The following MGAT5B variants were observed in gnomAD, a reference collection of about 807,000 sequenced individuals.
MGAT5B encodes the protein N-acetylglucosaminyl-transferase Vb.
In MGAT5B, 54 loss-of-function variants were observed where a neutral mutation model predicts 95.1. The observed-to-expected ratio is 0.57, with a 90% CI of 0.46 to 0.71. The LOEUF is 0.71. Ranked by LOEUF, MGAT5B falls within the 30% of genes least tolerant of loss-of-function variation. The pLI is 0.00. For missense variants in MGAT5B, 935 were observed against 1,088.6 expected (o/e 0.86, Z 1.99); for synonymous variants, 464 against 451.0 (o/e 1.03, Z -0.36).
chr17:76,872,678 C>T (rs1967049554), intron 1 of MGAT5B, 173 bp from the exon 2 acceptor site: 2 of 1,523,358 alleles, frequency 1.3e-6, no homozygotes, highest in East Asian at 2.5e-5. Context: ...TCTCTTTATC[C>T]TATAGTGGGG....
At chr17:76,882,510 C>G (rs1967466506) in intron 3 of MGAT5B, 1 of 546,966 alleles carries the variant, frequency 1.8e-6, no homozygotes, top group Non-Finnish European at 3.0e-6. Flanking sequence ...AATAAAACGT[C>G]ACAGATGAAA....
chr17:76,932,557 G>A (rs1403160236), intron 10 of MGAT5B, 88 bp from the exon 11 acceptor site: 1 of 1,559,096 alleles, frequency 6.4e-7, no homozygotes, highest in East Asian at 2.3e-5. Context: ...TGCCAAAAGA[G>A]GACCTCTTGG....
rs1405180242 is a variant in MGAT5B at position 76,940,741 on chromosome 17, C to T, written c.1741C>T (p.Gln581Ter). 6.2e-7 allele frequency: 1 copy of T among 1,614,028 alleles called. No individual in the cohort carries two copies. Among genetic ancestry groups the T allele is most frequent in the Admixed American group, 1.7e-5 (1 of 60,020 alleles). The change falls in exon 15 of 18, where the codon CAG becomes TAG. Residue 581 changes from glutamine to a stop codon, truncating the protein, a stop_gained. Coordinates refer to ENST00000569840, the MANE Select transcript of MGAT5B (RefSeq NM_001199172.2). LOFTEE classifies it high-confidence loss of function. The surrounding 1 kb of genome is among the most constrained non-coding windows in gnomAD (Gnocchi z 4.3). ...TCTGTACCCTTGCCAGGTGTTCTCCCAGCATCCCTACGCGGAGAACTTCAT... is the reference window on the plus strand; with the variant it reads ...TCTGTACCCTTGCCAGGTGTTCTCCTAGCATCCCTACGCGGAGAACTTCAT... ...GKPTSREVFS[Q>*]HPYAENFIGK...
rs1415160604 is a variant in MGAT5B, at chr17:76,917,048, C to T, written c.1026-7918C>T. On this transcript the variant is annotated intron_variant, in intron 8 of 17. Coordinates refer to ENST00000569840, the MANE Select transcript of MGAT5B (RefSeq NM_001199172.2). The surrounding 1 kb of genome is among the most constrained non-coding windows in gnomAD (Gnocchi z 6.1). ...CCCGACTACGCTGTCAGGTTTGAGT[C>T]AGCCTAGTTGTGCTAAGTCCAACGC... 6.6e-6 allele frequency among the ~76,000 whole-genome samples: 1 copy of T among 152,190 alleles called. No homozygotes were observed. Among genetic ancestry groups the T allele is most frequent in the African/African-American group, 2.4e-5 (1 of 41,442 alleles).
In MGAT5B at chr17:76,947,812, C is replaced by T; in HGVS notation, c.1924-18C>T. 1.3e-6 allele frequency: 2 copies of T among 1,529,978 alleles called. No homozygotes were observed. Among genetic ancestry groups the T allele is most frequent in the Non-Finnish European group, 8.8e-7 (1 of 1,136,546 alleles). The allele number at this position is 1,529,978 out of a possible 1,614,324, so 94.8% of individuals were successfully genotyped here. A position where few individuals can be genotyped will look rare whatever the true frequency, so the allele number is the denominator to read the frequency against. Reference sequence around the variant, plus strand: ...TGGGTCGCACTTCCCCACCCTGACACTGCTCTCCTCCTTGCAGGACTTCTG... The same window carrying T: ...TGGGTCGCACTTCCCCACCCTGACATTGCTCTCCTCCTTGCAGGACTTCTG... On this transcript the variant is annotated intron_variant, in intron 16 of 17. Coordinates refer to ENST00000569840, the MANE Select transcript of MGAT5B (RefSeq NM_001199172.2).
At position 76,897,659 on chromosome 17, in the gene MGAT5B, C is replaced by CACTT. The variant is rs1367857085; in HGVS notation, c.330-4895_330-4892dup. Among the ~76,000 whole-genome samples the CACTT allele has an allele frequency of 1.5e-4, 16 of 108,964 alleles. No homozygotes were observed. The East Asian group carries it at 2.9e-3, about 20-fold the overall frequency. 71.5% of individuals were successfully genotyped at this position (108,964 alleles called of 152,430 possible). On this transcript the variant is annotated intron_variant, in intron 3 of 17. Coordinates refer to ENST00000569840, the MANE Select transcript of MGAT5B (RefSeq NM_001199172.2). ...CAAAGACCCTATTCCCAAGTAAGGC[C>CACTT]ACTTTCTTTCTTTCTTTCTTTCTTT...
chr17:76,922,600 T>C (rs56270430), intron 8 of MGAT5B, among the ~76,000 whole-genome samples: 3,836 of 152,186 alleles, frequency 0.025, 111 homozygotes, highest in African/African-American at 0.066. Flanking sequence ...GTTGTGGGAG[T>C]TGTTCCCTGT....
At chr17:76,929,860 C>T (rs759278817) in intron 10 of MGAT5B, among the ~76,000 whole-genome samples, 19 of 152,170 alleles carry the variant, frequency 1.2e-4, no homozygotes, top group Non-Finnish European at 2.6e-4. Context: ...ACTTCCCTGT[C>T]CCTCTCTGAC....
chr17:76,899,933 A>G (rs1968244399), intron 3 of MGAT5B, among the ~76,000 whole-genome samples: 2 of 152,198 alleles, frequency 1.3e-5, no homozygotes, highest in Admixed American at 1.3e-4. Context: ...GCCCTGGTCT[A>G]ACCCAAGTCC....
At chr17:76,895,899 T>A (rs1288552893) in intron 3 of MGAT5B, among the ~76,000 whole-genome samples, 1 of 152,264 alleles carries the variant, frequency 6.6e-6, no homozygotes, top group Non-Finnish European at 1.5e-5. Flanking sequence ...AGGGGTTTTT[T>A]TGTCCCCCGA....
chr17:76,932,241 T>A (rs1330869880), intron 10 of MGAT5B, among the ~76,000 whole-genome samples: 1 of 151,898 alleles, frequency 6.6e-6, no homozygotes, highest in Non-Finnish European at 1.5e-5. Context: ...CAAGCGATTC[T>A]CCCACCTCAG....
intron 1 of MGAT5B, 70 bp from the exon 2 acceptor site, chr17:76,872,781 G>C: frequency 6.2e-7 from 1 of 1,613,494 alleles, no homozygotes; most frequent in Non-Finnish European, 8.5e-7. Context: ...TTGTGCAGCC[G>C]GTACGTGGTG....
chr17:76,887,050 C>CA (rs1273245692), intron 3 of MGAT5B, among the ~76,000 whole-genome samples: 3 of 139,370 alleles, frequency 2.2e-5, no homozygotes, highest in Non-Finnish European at 3.1e-5. Flanking sequence ...TCTCACAAAA[C>CA]AAAAACAAAA....
chr17:76,891,161 C>T (rs1192683801), intron 3 of MGAT5B, among the ~76,000 whole-genome samples: 1 of 151,008 alleles, frequency 6.6e-6, no homozygotes, highest in East Asian at 2.0e-4. Context: ...GATGGGGTTT[C>T]ACCATGTTGG....
At chr17:76,923,627 C>T (rs984060101) in intron 8 of MGAT5B, among the ~76,000 whole-genome samples, 11 of 152,200 alleles carry the variant, frequency 7.2e-5, no homozygotes, top group South Asian at 2.1e-4. Context: ...ACGCCTCCAC[C>T]GTGCCTCAGC....
chr17:76,937,128 C>T lies in MGAT5B; in HGVS notation c.1429-860C>T, dbSNP rs1287840008. On this transcript the variant is annotated intron_variant, in intron 12 of 17. Transcript: ENST00000569840. ...TTTACTCTTGGCTTATAGCTGGGGG[C>T]CCTAGCAATCTCGGATCACCTTGAT... Among the ~76,000 whole-genome samples, 3 of 151,858 alleles carry T rather than the reference C, an allele frequency of 2.0e-5. No individual in the cohort carries two copies. The East Asian group carries it at 5.8e-4, about 29-fold the overall frequency.
At chr17:76,876,488 A>G (rs899630727) in intron 2 of MGAT5B, among the ~76,000 whole-genome samples, 1 of 152,180 alleles carries the variant, frequency 6.6e-6, no homozygotes, top group Admixed American at 6.5e-5. Context: ...GCATTGGTCA[A>G]CAAAACAATC....
At chr17:76,909,303 C>T (rs1968647969) in intron 8 of MGAT5B, among the ~76,000 whole-genome samples, 1 of 152,154 alleles carries the variant, frequency 6.6e-6, no homozygotes, top group East Asian at 1.9e-4. Context: ...TTCTATCTAT[C>T]TATATGTTTG....
In MGAT5B at chr17:76,949,476, C is replaced by A; in HGVS notation, c.*638C>A. 1 of 152,444 alleles carries A rather than the reference C, an allele frequency of 6.6e-6. No individual in the cohort carries two copies. The highest frequency in any genetic ancestry group is 1.5e-5 in the Non-Finnish European group (1 of 68,276). The allele number at this position is 152,444 out of a possible 1,614,324, so 9.4% of individuals were successfully genotyped here. On this transcript the variant is annotated 3_prime_UTR_variant, in exon 18 of 18. Transcript: ENST00000569840. The stretch of plus-strand genomic sequence containing the variant: ...TCCTGTTTGTGCCTCCCCTTAGTCC[C>A]TTCCCTCCCGATTTCCCGATTCCCC...
Sources: gnomAD v4.1 joint callset for allele counts (sites outside exome capture counted in the v4.1 genomes callset) on GRCh38, gnomAD v4.1.1 for gene constraint, Gnocchi (gnomAD v3.1) non-coding constraint, MANE v1.5 for transcripts, NCBI Gene and HGNC (gene_info 2026-07-23, HGNC 2026-07-21) for gene names.